Variants in PBRM1 observed in about 807,000 individuals in gnomAD.
The protein encoded by PBRM1 is protein polybromo-1.
In PBRM1, 27 loss-of-function variants were observed where a neutral mutation model predicts 194.5. The ratio of observed to expected loss-of-function variants is 0.14; its 90% confidence interval spans 0.10 to 0.19. The LOEUF (loss-of-function observed/expected upper bound fraction) is 0.19, where lower values mean the gene tolerates loss of function less well. Among genes scored for constraint, PBRM1 ranks in the 10% least tolerant of loss-of-function variants. PBRM1 has a pLI of 1.00. For missense variants in PBRM1, 1,466 were observed against 2,077.2 expected (o/e 0.71, Z 5.72); for synonymous variants, 655 against 693.2 (o/e 0.94, Z 0.87).
chr3:52,674,793 A>G (rs981384306), intron 2 of PBRM1, among the ~76,000 whole-genome samples: 6 of 150,528 alleles, frequency 4.0e-5, no homozygotes, highest in African/African-American at 1.5e-4. Flanking sequence ...TATATATACA[A>G]TATATATATT....
rs560313064 is a variant in PBRM1, at chr3:52,658,168, A to C, written c.645+31T>G. ...TTGAAGTACTAAAAACAAAACACTGACATGTACCTGTTTTTAACTGCATCA... is the reference window on the plus strand; with the variant it reads ...TTGAAGTACTAAAAACAAAACACTGCCATGTACCTGTTTTTAACTGCATCA... On this transcript the variant is annotated intron_variant, in intron 5 of 29. Transcript: ENST00000296302. 2.2e-5 allele frequency: 21 copies of C among 972,916 alleles called. No homozygotes were observed. The South Asian group carries it at 2.7e-4, about 13-fold the overall frequency. 60.3% of individuals were successfully genotyped at this position (972,916 alleles called of 1,614,324 possible).
intron 13 of PBRM1, among the ~76,000 whole-genome samples, chr3:52,618,899 G>C (rs1384590427): frequency 6.6e-6 from 1 of 152,150 alleles, no homozygotes; most frequent in African/African-American, 2.4e-5. Flanking sequence ...TTACAGGCAT[G>C]CACCACCACG....
chr3:52,547,513 T>TGCTTTTG (rs1461210423), downstream of PBRM1: 1 of 233,490 alleles, frequency 4.3e-6, no homozygotes, highest in Admixed American at 5.6e-5. Context: ...ACTTCATCTG[T>TGCTTTTG]AAGAAACAGC....
chr3:52,634,481 G>T, intron 11 of PBRM1, 121 bp downstream of exon 12: 3 of 644,490 alleles, frequency 4.7e-6, no homozygotes, highest in South Asian at 2.2e-5. Context: ...AAAATTTGAG[G>T]TTAAAAAAAA....
chr3:52,636,746 A>G, intron 10 of PBRM1, among the ~76,000 whole-genome samples: 1 of 128,586 alleles, frequency 7.8e-6, no homozygotes, highest in African/African-American at 3.1e-5. Context: ...AAAAGAGTGA[A>G]ACTCTGTCTC....
At chr3:52,582,746 C>T (rs1036139850) in intron 20 of PBRM1, among the ~76,000 whole-genome samples, 5 of 152,004 alleles carry the variant, frequency 3.3e-5, no homozygotes, top group African/African-American at 7.2e-5. Flanking sequence ...TAGAATCTTT[C>T]GGAGCACCTG....
At chr3:52,613,655 C>T (rs1375841861) in intron 15 of PBRM1, among the ~76,000 whole-genome samples, 2 of 151,866 alleles carry the variant, frequency 1.3e-5, no homozygotes, top group African/African-American at 2.4e-5. Flanking sequence ...CTGTACTTTC[C>T]ATTTATATAT....
intron 1 of PBRM1, 108 bp downstream of exon 1, chr3:52,685,641 A>C (rs1372548816): frequency 1.4e-5 from 2 of 146,016 alleles, no homozygotes; most frequent in East Asian, 2.0e-4. Context: ...GCGCGTCCCC[A>C]CGGCCGGGGC....
chr3:52,642,017 A>C (rs2153707152), exon 10 of PBRM1: 1 of 1,598,108 alleles, frequency 6.3e-7, no homozygotes, highest in African/African-American at 1.3e-5. Context: ...ATTGCTGATA[A>C]ACGACCTCCT....
chr3:52,646,565 T>C (rs1400685080), intron 7 of PBRM1, among the ~76,000 whole-genome samples: 2 of 152,198 alleles, frequency 1.3e-5, no homozygotes, highest in Admixed American at 6.5e-5. Context: ...GTGAGTGGAA[T>C]AGAACCAAGA....
rs573225261 is a variant in PBRM1, at chr3:52,607,132, T to C, written c.2567+2181A>G. Among the ~76,000 whole-genome samples the C allele has an allele frequency of 2.6e-5, 4 of 152,358 alleles. No individual in the cohort carries two copies. The East Asian group carries it at 7.7e-4, about 29-fold the overall frequency. The stretch of plus-strand genomic sequence containing the variant: ...ATGCCTAGCTTTGTTACTGATAATA[T>C]AGTAGATAAAGGCATAGTTTATCAT... On this transcript the variant is annotated intron_variant, in intron 16 of 29. Transcript: ENST00000296302.
At chr3:52,580,195 G>A (rs1290507376) in intron 20 of PBRM1, among the ~76,000 whole-genome samples, 3 of 151,836 alleles carry the variant, frequency 2.0e-5, no homozygotes, top group Admixed American at 6.6e-5. Flanking sequence ...AGCTGAGATC[G>A]TGCCACTGCA....
intron 13 of PBRM1, among the ~76,000 whole-genome samples, chr3:52,622,351 AAAAG>A (rs10581074): frequency 0.34 from 51,700 of 151,684 alleles, 9,767 homozygotes; most frequent in Admixed American, 0.46. Flanking sequence ...AAAATAAAAA[AAAAG>A]AAAGACAAAA....
At chr3:52,653,446 T>A (rs1454607451) in intron 5 of PBRM1, among the ~76,000 whole-genome samples, 4 of 151,696 alleles carry the variant, frequency 2.6e-5, no homozygotes, top group Non-Finnish European at 1.5e-5. Flanking sequence ...AAAATTAGCC[T>A]GGTATGTTGG....
At chr3:52,640,605 T>TTTATA (rs1209906271) in intron 10 of PBRM1, among the ~76,000 whole-genome samples, 1 of 151,558 alleles carries the variant, frequency 6.6e-6, no homozygotes, top group Non-Finnish European at 1.5e-5. Flanking sequence ...TTCTTATGTT[T>TTTATA]TTATATTTGA....
chr3:52,643,034 C>G (rs758135878), intron 9 of PBRM1, among the ~76,000 whole-genome samples: 6 of 152,122 alleles, frequency 3.9e-5, no homozygotes, highest in Non-Finnish European at 5.9e-5. Context: ...GTGATTCACC[C>G]GTATCAGCCT....
At chr3:52,632,048 T>C (rs965260296) in intron 11 of PBRM1, among the ~76,000 whole-genome samples, 1 of 152,366 alleles carries the variant, frequency 6.6e-6, no homozygotes, top group African/African-American at 2.4e-5. Flanking sequence ...CTGCTTTTTA[T>C]AGAAACAGAA....
chr3:52,623,156 T>C (rs2095336373), intron 13 of PBRM1, among the ~76,000 whole-genome samples: 1 of 152,190 alleles, frequency 6.6e-6, no homozygotes, highest in African/African-American at 2.4e-5. Flanking sequence ...GGCACAGTGA[T>C]GCATGCCTAT....
chr3:52,596,929 C>T (rs1231744266), intron 17 of PBRM1, among the ~76,000 whole-genome samples: 2 of 152,152 alleles, frequency 1.3e-5, no homozygotes, highest in Non-Finnish European at 2.9e-5. Context: ...TTGTGGCCTA[C>T]ACTTCCCTTC....
Sources: gnomAD v4.1 joint callset for allele counts (sites outside exome capture counted in the v4.1 genomes callset) on GRCh38, gnomAD v4.1.1 for gene constraint, MANE v1.5 for transcripts, NCBI Gene and HGNC (gene_info 2026-07-23, HGNC 2026-07-21) for gene names.